ALPK1: variants seen among roughly 807,000 people sequenced by gnomAD.
The protein encoded by ALPK1 is alpha-protein kinase 1.
ALPK1 carries 110 observed loss-of-function variants against 120.6 expected under a neutral mutation model. That is an observed-to-expected ratio of 0.91 (90% CI 0.78 to 1.07). The LOEUF (loss-of-function observed/expected upper bound fraction) is 1.07, where lower values mean the gene tolerates loss of function less well. ALPK1 is among the 50% of genes least tolerant of loss of function. The pLI, the probability that ALPK1 is intolerant of heterozygous loss-of-function variation, is 0.00. For synonymous variants in ALPK1, 582 were observed against 560.3 expected, an observed-to-expected ratio of 1.04 and a Z score of -0.55; for missense variants, 1,498 against 1,483.9, an observed-to-expected ratio of 1.01 and a Z score of -0.16.
intron 4 of ALPK1, among the ~76,000 whole-genome samples, chr4:112,391,629 T>C (rs541818044): frequency 6.6e-6 from 1 of 152,268 alleles, no homozygotes; most frequent in Non-Finnish European, 1.5e-5. Flanking sequence ...GTAAATGCCA[T>C]GTGATGATAG....
At chr4:112,396,844 C>T (rs900904508) in intron 4 of ALPK1, among the ~76,000 whole-genome samples, 21 of 151,928 alleles carry the variant, frequency 1.4e-4, no homozygotes, top group Non-Finnish European at 1.2e-4. Flanking sequence ...GTGGCATGAT[C>T]TCGGATCACT....
At chr4:112,357,146 G>A (rs890962941) in intron 2 of ALPK1, 26 of 1,401,178 alleles carry the variant, frequency 1.9e-5, no homozygotes, top group Non-Finnish European at 2.3e-5. Flanking sequence ...AGATGACAGC[G>A]GTGTCACCAA....
At chr4:112,427,868 C>T (rs1734311348) in intron 9 of ALPK1, 1 of 460,470 alleles carries the variant, frequency 2.2e-6, no homozygotes, top group Non-Finnish European at 3.9e-6. Flanking sequence ...CTGTAACAGA[C>T]ACTCAGAGAG....
chr4:112,417,281 A>T (rs562437793), intron 5 of ALPK1, among the ~76,000 whole-genome samples: 1 of 152,332 alleles, frequency 6.6e-6, no homozygotes, highest in Non-Finnish European at 1.5e-5. Context: ...GAGAGTAAAA[A>T]AAGATGATGA....
chr4:112,312,123 C>A (rs1180235304), intron 1 of ALPK1, among the ~76,000 whole-genome samples: 1 of 152,072 alleles, frequency 6.6e-6, no homozygotes, highest in African/African-American at 2.4e-5. Flanking sequence ...AATACTATAG[C>A]TATACAAAGA....
intron 3 of ALPK1, among the ~76,000 whole-genome samples, chr4:112,381,806 G>C (rs1048531599): frequency 2.0e-5 from 3 of 152,208 alleles, no homozygotes; most frequent in African/African-American, 7.2e-5. Context: ...ACCATTATAA[G>C]TAGACTTGGT....
At position 112,371,911 on chromosome 4, in the gene ALPK1, G is replaced by T. The variant is rs535478885; in HGVS notation, c.-100-5767G>T. ...AACAACATGGTCTATTTAGACTGCT[G>T]CTGAGTATGTAATTTAAGAGCTAGA... On this transcript the variant is annotated intron_variant, in intron 2 of 15. Transcript: ENST00000650871. 2.7e-4 allele frequency among the ~76,000 whole-genome samples: 41 copies of T among 152,314 alleles called. No individual in the cohort carries two copies. The Middle Eastern group carries it at 0.01, about 38-fold the overall frequency.
chr4:112,331,924 G>C (rs1331981804), intron 2 of ALPK1, among the ~76,000 whole-genome samples: 1 of 152,166 alleles, frequency 6.6e-6, no homozygotes, highest in Non-Finnish European at 1.5e-5. Context: ...ATAATCAGTT[G>C]ATTTCCTATG....
At chr4:112,419,632 ATAT>A (rs1223077295) in intron 5 of ALPK1, among the ~76,000 whole-genome samples, 1 of 152,166 alleles carries the variant, frequency 6.6e-6, no homozygotes, top group Non-Finnish European at 1.5e-5. Context: ...AAAACTGCAG[ATAT>A]TATTTCATGC....
rs1364663674 is a variant in ALPK1 at position 112,432,415 on chromosome 4, T to C, written c.2868T>C (p.Ser956=). 1.2e-6 allele frequency: 2 copies of C among 1,613,800 alleles called. No individual in the cohort carries two copies. Among genetic ancestry groups the C allele is most frequent in the East Asian group, 4.5e-5 (2 of 44,880 alleles). ...SPWSYLNSSG[S]SWVSLPGKMR... ...GGTCCTATCTGAATTCCAGTGGGAG[T>C]TCTTGGGTTTCATTGCCGGGAAAGA... Residue 956 remains serine (S), a synonymous_variant, in exon 11 of 16, where the codon AGT becomes AGC. Coordinates refer to ENST00000650871, the MANE Select transcript of ALPK1 (RefSeq NM_025144.4).
rs757541443 is a variant in ALPK1 at position 112,425,616 on chromosome 4, C to G, written c.536-49C>G. 2.2e-5 allele frequency: 33 copies of G among 1,486,190 alleles called. No homozygotes were observed. The South Asian group carries it at 3.7e-4, about 17-fold the overall frequency. 92.1% of individuals were successfully genotyped at this position (1,486,190 alleles called of 1,614,324 possible). A position where few individuals can be genotyped will look rare whatever the true frequency, so the allele number is the denominator to read the frequency against. ...CTTCTGTGAAAATAGTTTTAATTTG[C>G]AAGGCTATATCTCTGATAATTCAAG... On this transcript the variant is annotated intron_variant, in intron 6 of 15. Transcript: ENST00000650871.
intron 2 of ALPK1, chr4:112,343,161 G>A (rs1248705672): frequency 1.3e-5 from 2 of 152,190 alleles, no homozygotes; most frequent in East Asian, 1.9e-4. Flanking sequence ...AGGGACTGAC[G>A]TGCTGAGACC....
chr4:112,320,468 G>T (rs1328322347), intron 2 of ALPK1, among the ~76,000 whole-genome samples: 1 of 151,708 alleles, frequency 6.6e-6, no homozygotes, highest in East Asian at 1.9e-4. Context: ...CTGGATTTTT[G>T]CATCTATGTT....
intron 2 of ALPK1, among the ~76,000 whole-genome samples, chr4:112,340,538 G>A (rs1185251479): frequency 4.6e-5 from 7 of 152,070 alleles, no homozygotes; most frequent in Admixed American, 2.6e-4. Context: ...GCCCTTGGGT[G>A]GATGTAAAAT....
chr4:112,343,152 G>GGCA (rs1729938752), intron 2 of ALPK1: 1 of 152,192 alleles, frequency 6.6e-6, no homozygotes, highest in Non-Finnish European at 1.5e-5. Flanking sequence ...TAAACACACA[G>GGCA]GGACTGACGT....
intron 2 of ALPK1, 174 bp downstream of exon 2, chr4:112,316,026 T>C (rs577251310): frequency 1.1e-4 from 16 of 152,360 alleles, no homozygotes; most frequent in African/African-American, 3.6e-4. Context: ...TTTTTAAAAA[T>C]TGTGGTAAAA....
At chr4:112,306,686 T>C (rs1404288840) in intron 1 of ALPK1, among the ~76,000 whole-genome samples, 3 of 152,032 alleles carry the variant, frequency 2.0e-5, no homozygotes, top group Admixed American at 6.5e-5. Context: ...TTTGTTGATC[T>C]TTTCAAAAAA....
chr4:112,386,544 AC>A (rs1345199132), intron 4 of ALPK1, among the ~76,000 whole-genome samples: 2 of 152,226 alleles, frequency 1.3e-5, no homozygotes, highest in African/African-American at 4.8e-5. Context: ...TCACGGGGTC[AC>A]AGGCTACGGC....
chr4:112,376,824 A>G (rs1731683950), intron 2 of ALPK1, among the ~76,000 whole-genome samples: 1 of 152,120 alleles, frequency 6.6e-6, no homozygotes, highest in African/African-American at 2.4e-5. Context: ...CAGCTCCACT[A>G]TCTATTCTGG....
Sources: allele counts gnomAD v4.1 joint callset (sites outside exome capture counted in the v4.1 genomes callset), GRCh38; gene constraint gnomAD v4.1.1; transcripts MANE v1.5; gene names NCBI Gene and HGNC (gene_info 2026-07-23, HGNC 2026-07-21).